TRIOBP: variants seen among roughly 807,000 people sequenced by gnomAD.
TRIOBP encodes the protein TRIO and F-actin-binding protein.
In TRIOBP, 169 loss-of-function variants were observed where a neutral mutation model predicts 238.8. The observed-to-expected ratio is 0.71, with a 90% CI of 0.62 to 0.80. The LOEUF (loss-of-function observed/expected upper bound fraction) is 0.80. Ranked by LOEUF, TRIOBP falls within the 30% of genes least tolerant of loss-of-function variation. The probability of loss-of-function intolerance (pLI) is 0.00; values close to 1 mark genes in which losing one functional copy is unlikely to be tolerated. For synonymous variants in TRIOBP, 1,150 were observed against 1,274.4 expected, an observed-to-expected ratio of 0.90 and a Z score of 2.08; for missense variants, 2,838 against 3,122.6, an observed-to-expected ratio of 0.91 and a Z score of 2.17.
At chr22:37,759,551 G>A (rs765408096) in intron 17 of TRIOBP, 13 of 1,599,666 alleles carry the variant, frequency 8.1e-6, no homozygotes, top group Non-Finnish European at 1.1e-5. Flanking sequence ...TGACTGCAGA[G>A]CCTGTGTGTG....
chr22:37,752,713 C>A (rs1436239458), intron 12 of TRIOBP, among the ~76,000 whole-genome samples: 1 of 152,244 alleles, frequency 6.6e-6, no homozygotes, highest in Non-Finnish European at 1.5e-5. Flanking sequence ...AAGCCCGGCA[C>A]CCCGCCAGTG....
At chr22:37,711,602 A>C (rs6000865) in intron 4 of TRIOBP, among the ~76,000 whole-genome samples, 110,408 of 140,342 alleles carry the variant, frequency 0.79, 45,750 homozygotes, top group East Asian at 0.97. Flanking sequence ...ACAACAAAAA[A>C]AAAAAACAAA....
chr22:37,726,292 C>G lies in TRIOBP; in HGVS notation c.3736C>G (p.Pro1246Ala), dbSNP rs2145835671. 1 of 1,612,998 alleles carries G rather than the reference C, an allele frequency of 6.2e-7. No homozygotes were observed. The highest frequency in any genetic ancestry group is 1.1e-5 in the South Asian group (1 of 91,046). The change falls in exon 7 of 24, where the codon CCG becomes GCG. Residue 1246 changes from proline (P) to alanine (A), a missense_variant. Physicochemically the swap from Pro to Ala is conservative, Grantham distance 27 (BLOSUM62 -1). Coordinates refer to ENST00000644935, the MANE Select transcript of TRIOBP (RefSeq NM_001039141.3). ...AGCGTTCCTGGCACCCTCACCTTCA[C>G]CGGGCAGCTCTGGGGGCTCCCGGGG... ...DLAFLAPSPS[P>A]GSSGGSRGSA...
At chr22:37,743,488 G>A (rs1925041465) in intron 11 of TRIOBP, among the ~76,000 whole-genome samples, 1 of 152,194 alleles carries the variant, frequency 6.6e-6, no homozygotes, top group African/African-American at 2.4e-5. Flanking sequence ...CTTCATTGGT[G>A]CATTCATTCA....
chr22:37,726,379 G>A lies in TRIOBP; in HGVS notation c.3823G>A (p.Asp1275Asn), dbSNP rs762890158. The change falls in exon 7 of 24, where the codon GAC becomes AAC. Residue 1275 changes from aspartate (D) to asparagine (N), a missense_variant. Around this residue, in one of 5 missense-constraint regions of TRIOBP, gnomAD observed 2,096 missense variants for 2,137.4 expected, o/e 0.98. Transcript: ENST00000644935. ...GCGGGAGGAGTACACTGTGCTGGCCGACCTGCCCCCACCCAGGAGGCTGGC... is the reference window on the plus strand; with the variant it reads ...GCGGGAGGAGTACACTGTGCTGGCCAACCTGCCCCCACCCAGGAGGCTGGC... ...LEREEYTVLA[D>N]LPPPRRLAQR... 5 of 1,591,118 alleles carry A rather than the reference G, an allele frequency of 3.1e-6. No individual in the cohort carries two copies. The highest frequency in any genetic ancestry group is 4.3e-6 in the Non-Finnish European group (5 of 1,168,180).
chr22:37,729,242 G>T lies in TRIOBP; in HGVS notation c.3947+2739G>T, dbSNP rs113014162. On this transcript the variant is annotated intron_variant, in intron 7 of 23. Coordinates refer to ENST00000644935, the MANE Select transcript of TRIOBP (RefSeq NM_001039141.3). ...CTGACCTTTTTTTTTTTTGAAACAG[G>T]GTCTTGCTTTGTCACCCAGCAGTAG... Among the ~76,000 whole-genome samples, 1,023 of 150,856 alleles carry T rather than the reference G, an allele frequency of 6.8e-3. 12 individuals carry two copies. Among genetic ancestry groups the T allele is most frequent in the African/African-American group, 0.023 (955 of 41,064 alleles).
chr22:37,771,121 A>T (rs1379819624), intron 21 of TRIOBP, among the ~76,000 whole-genome samples: 1 of 152,230 alleles, frequency 6.6e-6, no homozygotes, highest in Non-Finnish European at 1.5e-5. Flanking sequence ...CCCCATTTAC[A>T]GATGAGGAAA....
chr22:37,737,902 G>A (rs73409496), intron 9 of TRIOBP, among the ~76,000 whole-genome samples: 6,597 of 152,240 alleles, frequency 0.043, 184 homozygotes, highest in Middle Eastern at 0.082. Flanking sequence ...GTCCCCTTCT[G>A]GGCTTGGCAG....
At chr22:37,708,628 C>T (rs889048684) in intron 3 of TRIOBP, among the ~76,000 whole-genome samples, 1 of 152,216 alleles carries the variant, frequency 6.6e-6, no homozygotes, top group Non-Finnish European at 1.5e-5. Flanking sequence ...GCTATCCTGC[C>T]GGTTTTGTAG....
At chr22:37,765,396 A>G (rs1028853693) in intron 17 of TRIOBP, among the ~76,000 whole-genome samples, 2 of 151,920 alleles carry the variant, frequency 1.3e-5, no homozygotes, top group African/African-American at 4.8e-5. Context: ...GAGAAAGGCC[A>G]GGGATGAGAA....
intron 2 of TRIOBP, among the ~76,000 whole-genome samples, chr22:37,698,124 C>T (rs1257515197): frequency 4.1e-5 from 6 of 147,048 alleles, no homozygotes; most frequent in East Asian, 2.1e-4. Context: ...TGCTTGAATC[C>T]GGGAGGCAGA....
In TRIOBP at chr22:37,770,303, T is replaced by C. The variant is rs548461032; in HGVS notation, c.6849+928T>C. 7.1e-4 allele frequency among the ~76,000 whole-genome samples: 102 copies of C among 144,426 alleles called. 1 individual carries two copies. The highest frequency in any genetic ancestry group is 2.6e-3 in the African/African-American group (101 of 39,268). The allele number at this position is 144,426 out of a possible 152,430, so 94.7% of individuals were successfully genotyped here. The stretch of plus-strand genomic sequence containing the variant: ...ATACAAAAAAATTACCCGGGCGTGG[T>C]GGCGGGCGCGGTGGCGGGTGCCTGT... On this transcript the variant is annotated intron_variant, in intron 21 of 23. Transcript: ENST00000644935.
At chr22:37,701,212 T>C in intron 2 of TRIOBP, 94 bp from the exon 3 acceptor site, 1 of 661,522 alleles carries the variant, frequency 1.5e-6, no homozygotes, top group Non-Finnish European at 2.8e-6. Flanking sequence ...CTTATTTCCT[T>C]GGTCCTTGTC....
chr22:37,707,410 G>C (rs955055001), intron 3 of TRIOBP, among the ~76,000 whole-genome samples: 4 of 152,148 alleles, frequency 2.6e-5, no homozygotes, highest in African/African-American at 7.2e-5. Context: ...AGGCATTGAA[G>C]GAATGGGTGG....
At position 37,726,306 on chromosome 22, in the gene TRIOBP, G is replaced by T; in HGVS notation, c.3750G>T (p.Gly1250=). The change falls in exon 7 of 24, where the codon GGG becomes GGT. Residue 1250 remains glycine, a synonymous_variant. Transcript: ENST00000644935. ...CCTCACCTTCACCGGGCAGCTCTGG[G>T]GGCTCCCGGGGCTCAGCGCCTCCCG... is the stretch of plus-strand genomic sequence containing the variant. ...LAPSPSPGSS[G]GSRGSAPPGE... The T allele has an allele frequency of 6.2e-7, 1 of 1,612,772 alleles. No individual in the cohort carries two copies. The highest frequency in any genetic ancestry group is 8.5e-7 in the Non-Finnish European group (1 of 1,179,920).
chr22:37,722,044 A>T (rs1923857631), intron 6 of TRIOBP, among the ~76,000 whole-genome samples: 1 of 152,130 alleles, frequency 6.6e-6, no homozygotes, highest in African/African-American at 2.4e-5. Flanking sequence ...AGTTTTGTTA[A>T]ATGCAGATCC....
At chr22:37,751,671 C>T in intron 11 of TRIOBP, 101 bp from the exon 12 acceptor site, 2 of 1,399,712 alleles carry the variant, frequency 1.4e-6, no homozygotes, top group Non-Finnish European at 2.0e-6. Flanking sequence ...GAGCTCGGTC[C>T]CACAGGACTT....
At chr22:37,742,514 T>C (rs997329548) in intron 11 of TRIOBP, among the ~76,000 whole-genome samples, 1 of 152,148 alleles carries the variant, frequency 6.6e-6, no homozygotes, top group Non-Finnish European at 1.5e-5. Flanking sequence ...CCGCCCGCCC[T>C]GGCCTCCCAA....
At chr22:37,721,219 G>A (rs566973981) in intron 6 of TRIOBP, among the ~76,000 whole-genome samples, 1 of 151,582 alleles carries the variant, frequency 6.6e-6, no homozygotes, top group East Asian at 2.0e-4. Flanking sequence ...CACCATGTTG[G>A]CCAGGCTGGT....
Sources: allele counts gnomAD v4.1 joint callset (sites outside exome capture counted in the v4.1 genomes callset), GRCh38; gene constraint gnomAD v4.1.1; regional missense constraint gnomAD v4.1.1; transcripts MANE v1.5; gene names NCBI Gene and HGNC (gene_info 2026-07-23, HGNC 2026-07-21).